The following ALMS1 variants were observed in gnomAD, a reference collection of about 807,000 sequenced individuals.
ALMS1 encodes the protein ALMS1 centrosome and basal body associated protein.
Under a neutral mutation model 352.2 loss-of-function variants are expected in ALMS1, and 271 were observed. The observed-to-expected ratio is 0.77, with a 90% CI of 0.70 to 0.85. The LOEUF is 0.85. Among genes scored for constraint, ALMS1 ranks in the 40% least tolerant of loss-of-function variants. ALMS1 has a pLI of 0.00. For missense variants in ALMS1, 5,445 were observed against 4,870.7 expected, an observed-to-expected ratio of 1.12 and a Z score of -3.51; for synonymous variants, 1,865 against 1,761.2, an observed-to-expected ratio of 1.06 and a Z score of -1.48.
At chr2:73,423,092 G>T (rs570749338) in intron 4 of ALMS1, 118 bp downstream of exon 4, 7 of 870,958 alleles carry the variant, frequency 8.0e-6, no homozygotes, top group South Asian at 1.4e-5. Context: ...CTTAGGACAC[G>T]CCCTGAAGGT....
In ALMS1 at chr2:73,451,931, A is replaced by C; in HGVS notation, c.5404A>C (p.Thr1802Pro). The C allele has an allele frequency of 6.2e-7, 1 of 1,611,178 alleles. No individual in the cohort carries two copies. The highest frequency in any genetic ancestry group is 2.2e-5 in the East Asian group (1 of 44,694). ...CCAGAAGACTGGGGTATCAACAGTA[A>C]CCTCTACTTCCTACTCACACAGAGA... is the stretch of plus-strand genomic sequence containing the variant. ...ADQKTGVSTV[T>P]STSYSHREKP... Residue 1802 changes from threonine (T) to proline (P), a missense_variant, in exon 8 of 23, where the codon ACC becomes CCC. Coordinates refer to ENST00000613296, the MANE Select transcript of ALMS1 (RefSeq NM_001378454.1).
Position 73,609,652 on chromosome 2 carries a change from A to C in ALMS1, c.*40A>C, listed in dbSNP as rs768306034. On this transcript the variant is annotated 3_prime_UTR_variant, in exon 23 of 23. Coordinates refer to ENST00000613296, the MANE Select transcript of ALMS1 (RefSeq NM_001378454.1). Reference sequence around the variant, plus strand: ...CCTCAGAGCCTTGGAATTCTATTTTATGAACCTAGAGAAGCAGAATCCTTA... The same window carrying C: ...CCTCAGAGCCTTGGAATTCTATTTTCTGAACCTAGAGAAGCAGAATCCTTA... 1.1e-5 allele frequency: 18 copies of C among 1,589,286 alleles called. No homozygotes were observed. The highest frequency in any genetic ancestry group is 1.6e-5 in the Non-Finnish European group (18 of 1,157,420).
chr2:73,480,858 T>G (rs1246093), intron 9 of ALMS1, among the ~76,000 whole-genome samples: 18 of 145,282 alleles, frequency 1.2e-4, no homozygotes, highest in East Asian at 2.1e-4. Flanking sequence ...GTGTTTTTTG[T>G]CTGCATAAAT....
Position 73,547,749 on chromosome 2 carries a change from G to A in ALMS1, c.9908-2518G>A, listed in dbSNP as rs906229193. Among the ~76,000 whole-genome samples the A allele has an allele frequency of 2.6e-5, 4 of 152,278 alleles. No homozygotes were observed. The South Asian group carries it at 8.3e-4, about 32-fold the overall frequency. On this transcript the variant is annotated intron_variant, in intron 12 of 22. Coordinates refer to ENST00000613296, the MANE Select transcript of ALMS1 (RefSeq NM_001378454.1). ...GTAAAGTTTATTCTTGCCACTATAT[G>A]GAGAAATGGTTTATAGATGGGAAGG...
chr2:73,554,951 A>G (rs1674514299), intron 13 of ALMS1, among the ~76,000 whole-genome samples: 1 of 152,228 alleles, frequency 6.6e-6, no homozygotes, highest in South Asian at 2.1e-4. Flanking sequence ...GTACTTAGGA[A>G]TGAATCTTAA....
Position 73,452,338 on chromosome 2 carries a change from T to C in ALMS1, c.5811T>C (p.Pro1937=), listed in dbSNP as rs750380028. ...GGAAGACTGAGATACCAACAGTACCTTTAAGTTACTACTCACGTAGAGAGA... is the reference window on the plus strand; with the variant it reads ...GGAAGACTGAGATACCAACAGTACCCTTAAGTTACTACTCACGTAGAGAGA... The part of the protein sequence containing the change: ...GDRKTEIPTV[P]LSYYSRREKP... The change falls in exon 8 of 23, where the codon CCT becomes CCC. Residue 1937 remains proline, a synonymous_variant. Transcript: ENST00000613296. 1.2e-6 allele frequency: 2 copies of C among 1,614,000 alleles called. No homozygotes were observed. Among genetic ancestry groups the C allele is most frequent in the Non-Finnish European group, 1.7e-6 (2 of 1,179,986 alleles).
rs2103773421 is a variant in ALMS1, at chr2:73,448,591, A to G, written c.2064A>G (p.Leu688=). Residue 688 remains leucine, a synonymous_variant, in exon 8 of 23, where the codon CTA becomes CTG. Transcript: ENST00000613296. ...GACAGACCTTGCCAGATGGTCATCT[A>G]ACTGATCAGGCTCTGAAAGTCTCAG... ...FYRQTLPDGH[L]TDQALKVSAV... The G allele has an allele frequency of 6.2e-7, 1 of 1,613,978 alleles. No individual in the cohort carries two copies. Among genetic ancestry groups the G allele is most frequent in the Non-Finnish European group, 8.5e-7 (1 of 1,179,938 alleles).
At chr2:73,461,981 G>T (rs576128623) in intron 9 of ALMS1, among the ~76,000 whole-genome samples, 1 of 152,010 alleles carries the variant, frequency 6.6e-6, no homozygotes, top group Non-Finnish European at 1.5e-5. Flanking sequence ...ACGTCTGATT[G>T]GTGTACCTGA....
At chr2:73,443,555 G>C (rs180870306) in intron 7 of ALMS1, among the ~76,000 whole-genome samples, 47 of 151,696 alleles carry the variant, frequency 3.1e-4, no homozygotes, top group Non-Finnish European at 2.9e-5. Flanking sequence ...CCTAATCACT[G>C]CCCTTACACT....
intron 13 of ALMS1, among the ~76,000 whole-genome samples, chr2:73,552,632 A>G (rs554541607): frequency 6.6e-6 from 1 of 152,336 alleles, no homozygotes; most frequent in South Asian, 2.1e-4. Flanking sequence ...CTGTTGGTCT[A>G]CTTACAGACT....
At chr2:73,601,581 G>A in intron 19 of ALMS1, 145 bp downstream of exon 19, 11 of 1,322,218 alleles carry the variant, frequency 8.3e-6, no homozygotes, top group South Asian at 2.6e-5. Flanking sequence ...CTGTTTTCAC[G>A]CACGAGGGTT....
rs189521726 is a variant in ALMS1, at chr2:73,494,441, A to G, written c.9539+2943A>G. 1.7e-3 allele frequency among the ~76,000 whole-genome samples: 263 copies of G among 152,358 alleles called. 2 individuals are homozygous for G. The highest frequency in any genetic ancestry group is 6.8e-3 in the Middle Eastern group (2 of 294). ...CAAAATAAGAAATTATTATTGGTGT[A>G]AAACTATATAGTCTAACATTGATTT... On this transcript the variant is annotated intron_variant, in intron 10 of 22. Coordinates refer to ENST00000613296, the MANE Select transcript of ALMS1 (RefSeq NM_001378454.1).
intron 11 of ALMS1, among the ~76,000 whole-genome samples, chr2:73,527,441 C>A (rs1348779444): frequency 1.3e-5 from 2 of 151,894 alleles, no homozygotes; most frequent in Non-Finnish European, 2.9e-5. Context: ...ACAACTTTTA[C>A]CTTGTTGCTT....
At position 73,599,386 on chromosome 2, in the gene ALMS1, CTT is replaced by C. The variant is rs767458195; in HGVS notation, c.11548-12_11548-11del. ...ACTGCAGGTAATAATAACAAGATCT[CTT>C]TTATTTTTCTAGGTAGCAAACCATG... On this transcript the variant is annotated splice_polypyrimidine_tract_variant and intron_variant, in intron 16 of 22. Transcript: ENST00000613296. 1.3e-5 allele frequency: 21 copies of C among 1,611,806 alleles called. No individual in the cohort carries two copies. Among genetic ancestry groups the C allele is most frequent in the Admixed American group, 5.0e-5 (3 of 59,996 alleles).
chr2:73,577,380 T>C (rs1558701559), intron 16 of ALMS1, among the ~76,000 whole-genome samples: 1 of 152,164 alleles, frequency 6.6e-6, no homozygotes, highest in African/African-American at 2.4e-5. Flanking sequence ...TAGTTTGTGT[T>C]TCTAGAAATT....
chr2:73,390,731 C>T (rs1205113204), intron 1 of ALMS1, among the ~76,000 whole-genome samples: 2 of 151,920 alleles, frequency 1.3e-5, no homozygotes, highest in African/African-American at 4.8e-5. Flanking sequence ...TCTTGGTCTC[C>T]AACTTTTAAT....
At chr2:73,414,093 G>A (rs1387546715) in intron 2 of ALMS1, among the ~76,000 whole-genome samples, 1 of 152,088 alleles carries the variant, frequency 6.6e-6, no homozygotes. Context: ...ATTTCATTGA[G>A]TCTATAAATC....
chr2:73,398,398 G>A (rs1045646739), intron 1 of ALMS1, among the ~76,000 whole-genome samples: 1 of 152,142 alleles, frequency 6.6e-6, no homozygotes, highest in African/African-American at 2.4e-5. Flanking sequence ...GGTAAGTCTT[G>A]AAGTTAGGTA....
intron 1 of ALMS1, among the ~76,000 whole-genome samples, chr2:73,397,173 T>C (rs893158599): frequency 6.6e-6 from 1 of 152,178 alleles, no homozygotes; most frequent in Admixed American, 6.5e-5. Flanking sequence ...CTCAAAGTTG[T>C]CGCATTGCAC....
Sources: gnomAD v4.1 joint callset for allele counts (sites outside exome capture counted in the v4.1 genomes callset) on GRCh38, gnomAD v4.1.1 for gene constraint, MANE v1.5 for transcripts, NCBI Gene and HGNC (gene_info 2026-07-23, HGNC 2026-07-21) for gene names.